CATSPER4: variants seen among roughly 807,000 people sequenced by gnomAD.
CATSPER4 encodes cation channel sperm-associated protein 4.
A neutral mutation model predicts 54.4 loss-of-function variants in CATSPER4; 46 were observed. That is an observed-to-expected ratio of 0.84 (90% CI 0.67 to 1.08). The LOEUF (loss-of-function observed/expected upper bound fraction) is 1.08, where lower values mean the gene tolerates loss of function less well. CATSPER4 is among the 50% of genes least tolerant of loss of function. The pLI is 0.00. For synonymous variants in CATSPER4, 230 were observed against 231.9 expected, an observed-to-expected ratio of 0.99 and a Z score of 0.08; for missense variants, 574 against 612.8, an observed-to-expected ratio of 0.94 and a Z score of 0.67.
intron 2 of CATSPER4, among the ~76,000 whole-genome samples, chr1:26,192,047 T>C (rs138766970): frequency 6.7e-4 from 102 of 152,048 alleles, no homozygotes; most frequent in African/African-American, 2.3e-3. Flanking sequence ...GGGAGACTTT[T>C]TGGGGAAAAG....
At chr1:26,201,624 G>A (rs1189777146) in intron 9 of CATSPER4, 105 bp downstream of exon 9, 2 of 1,087,314 alleles carry the variant, frequency 1.8e-6, no homozygotes, top group Non-Finnish European at 2.8e-6. Flanking sequence ...TCTATTCCAA[G>A]ATCTGGTCCC....
chr1:26,195,452 G>C (rs1247580348), intron 3 of CATSPER4, among the ~76,000 whole-genome samples: 6 of 152,128 alleles, frequency 3.9e-5, no homozygotes, highest in Admixed American at 3.9e-4. Context: ...GGAAGAAAGA[G>C]AGAGAGTGAG....
intron 3 of CATSPER4, among the ~76,000 whole-genome samples, chr1:26,196,644 C>G (rs1408463051): frequency 6.6e-6 from 1 of 151,958 alleles, no homozygotes; most frequent in Non-Finnish European, 1.5e-5. Flanking sequence ...CTCCTGAGCT[C>G]AAGCAATCCT....
chr1:26,199,233 C>CA (rs994760159), intron 6 of CATSPER4, among the ~76,000 whole-genome samples: 7 of 151,928 alleles, frequency 4.6e-5, no homozygotes, highest in Non-Finnish European at 1.0e-4. Flanking sequence ...GTCAGGAGTT[C>CA]AAGACCAGCC....
At chr1:26,200,686 T>G in intron 7 of CATSPER4, 144 bp from the exon 8 acceptor site, 5 of 681,368 alleles carry the variant, frequency 7.3e-6, no homozygotes, top group Non-Finnish European at 1.3e-5. Flanking sequence ...AGCAAGGCAG[T>G]GAGGCTAAGA....
chr1:26,195,567 C>G (rs921953765), intron 3 of CATSPER4, among the ~76,000 whole-genome samples: 2 of 149,340 alleles, frequency 1.3e-5, no homozygotes, highest in African/African-American at 5.0e-5. Context: ...GTGGCGCGAT[C>G]TCGGCTCACT....
At position 26,201,461 on chromosome 1, in the gene CATSPER4, A is replaced by C. The variant is rs1410126277; in HGVS notation, c.1307A>C (p.Asp436Ala). The change falls in exon 9 of 10, where the codon GAC becomes GCC. Residue 436 changes from aspartate (D) to alanine (A), a missense_variant. Coordinates refer to ENST00000456354, the MANE Select transcript of CATSPER4 (RefSeq NM_198137.2). ...SGSLETTSSK[D>A]IRQMSQQQDL... ...TCGTTGGAGACTACGTCATCCAAGG[A>C]CATCCGCCAGATGTCTCAACAGCAA... 2 of 1,613,944 alleles carry C rather than the reference A, an allele frequency of 1.2e-6. No homozygotes were observed. The highest frequency in any genetic ancestry group is 1.7e-6 in the Non-Finnish European group (2 of 1,179,986).
intron 6 of CATSPER4, among the ~76,000 whole-genome samples, chr1:26,199,305 G>A (rs759929385): frequency 2.6e-5 from 4 of 151,818 alleles, no homozygotes; most frequent in Non-Finnish European, 4.4e-5. Context: ...ACGGTGGGGC[G>A]CCTGTAATCC....
At chr1:26,199,776 C>A in intron 6 of CATSPER4, 108 bp from the exon 7 acceptor site, 2 of 1,218,976 alleles carry the variant, frequency 1.6e-6, no homozygotes, top group African/African-American at 1.5e-5. Flanking sequence ...AGCAGTGACA[C>A]AGGCAGAAGT....
At position 26,197,996 on chromosome 1, in the gene CATSPER4, C is replaced by T. The variant is rs916528124; in HGVS notation, c.597C>T (p.Pro199=). ...TGCATGTGTGCATGGCGGTGGAGCC[C>T]CTCGCCCGGATCATCCGCGTCATCC... The part of the protein sequence containing the change: ...RLVHVCMAVE[P]LARIIRVILQ... Residue 199 remains proline, a synonymous_variant, in exon 5 of 10, where the codon CCC becomes CCT. Coordinates refer to ENST00000456354, the MANE Select transcript of CATSPER4 (RefSeq NM_198137.2). 1.9e-6 allele frequency: 3 copies of T among 1,613,796 alleles called. No homozygotes were observed. The African/African-American group carries it at 4.0e-5, about 22-fold the overall frequency.
rs941565979 is a variant in CATSPER4, at chr1:26,198,002, C to A, written c.603C>A (p.Ala201=). The A allele has an allele frequency of 1.2e-6, 2 of 1,613,914 alleles. No individual in the cohort carries two copies. The highest frequency in any genetic ancestry group is 1.7e-6 in the Non-Finnish European group (2 of 1,179,986). The change falls in exon 5 of 10, where the codon GCC becomes GCA. Residue 201 remains alanine (A), a synonymous_variant. Transcript: ENST00000456354. ...TGTGCATGGCGGTGGAGCCCCTCGC[C>A]CGGATCATCCGCGTCATCCTGCAGT... is the stretch of plus-strand genomic sequence containing the variant. ...VHVCMAVEPL[A]RIIRVILQSV... is the part of the protein sequence containing the mutation.
chr1:26,191,238 G>C (rs1203014385), intron 1 of CATSPER4, 49 bp from the exon 2 acceptor site: 3 of 1,610,304 alleles, frequency 1.9e-6, no homozygotes, highest in Non-Finnish European at 2.5e-6. Flanking sequence ...CCCAGGCAGA[G>C]GCTTCCTATG....
rs1008939182 is a variant in CATSPER4, at chr1:26,194,520, A to T, written c.459+632A>T. Among the ~76,000 whole-genome samples, 71 of 151,838 alleles carry T rather than the reference A, an allele frequency of 4.7e-4. 1 individual carries two copies. Among genetic ancestry groups the T allele is most frequent in the South Asian group, 4.2e-4 (2 of 4,810 alleles). Reference sequence around the variant, plus strand: ...TGTGTCTCCATGATGCTATGCACTTATTTTTTTTGCATGGAGTTAAAATTT... The same window carrying T: ...TGTGTCTCCATGATGCTATGCACTTTTTTTTTTTGCATGGAGTTAAAATTT... On this transcript the variant is annotated intron_variant, in intron 3 of 9. Transcript: ENST00000456354.
At chr1:26,198,230 G>T in intron 5 of CATSPER4, 56 bp from the exon 6 acceptor site, 2 of 1,614,104 alleles carry the variant, frequency 1.2e-6, no homozygotes. Flanking sequence ...ACATTTGTGT[G>T]TCCTATTTCC....
At chr1:26,198,505 G>A (rs2088970748) in intron 6 of CATSPER4, 86 bp downstream of exon 6, 1 of 1,566,032 alleles carries the variant, frequency 6.4e-7, no homozygotes, top group Non-Finnish European at 8.7e-7. Context: ...GGAGCTCCAG[G>A]GATTGGGATG....
intron 3 of CATSPER4, 98 bp downstream of exon 3, chr1:26,193,986 A>ATG (rs144133210): frequency 5.6e-5 from 47 of 831,864 alleles, no homozygotes; most frequent in Admixed American, 3.3e-4. Context: ...GGGTGTGAGT[A>ATG]TGTGTGTGTG....
chr1:26,202,846 G>A lies in CATSPER4; in HGVS notation c.*304G>A. On this transcript the variant is annotated 3_prime_UTR_variant, in exon 10 of 10. Coordinates refer to ENST00000456354, the MANE Select transcript of CATSPER4 (RefSeq NM_198137.2). The stretch of plus-strand genomic sequence containing the variant: ...TTTGACCTAAGGATGGGGATCCCTG[G>A]CCCCCTGCTCTTGCCCAGAGCTGGT... The A allele has an allele frequency of 2.1e-6, 1 of 472,900 alleles. No individual in the cohort carries two copies. 29.3% of individuals were successfully genotyped at this position (472,900 alleles called of 1,614,324 possible).
At position 26,202,688 on chromosome 1, in the gene CATSPER4, G is replaced by A. The variant is rs890464839; in HGVS notation, c.*146G>A. On this transcript the variant is annotated 3_prime_UTR_variant, in exon 10 of 10. Coordinates refer to ENST00000456354, the MANE Select transcript of CATSPER4 (RefSeq NM_198137.2). ...GAGGCCAGGGGCTGTGAAGGTGGCA[G>A]CACCTGCAGGTCTGGTGCCTGTGAG... is the stretch of plus-strand genomic sequence containing the variant. 5.4e-6 allele frequency: 4 copies of A among 746,188 alleles called. No individual in the cohort carries two copies. The highest frequency in any genetic ancestry group is 7.1e-6 in the Non-Finnish European group (3 of 425,200). 46.2% of individuals were successfully genotyped at this position (746,188 alleles called of 1,614,324 possible). A position where few individuals can be genotyped will look rare whatever the true frequency, so the allele number is the denominator to read the frequency against.
At position 26,197,879 on chromosome 1, in the gene CATSPER4, C is replaced by T. The variant is rs527973439; in HGVS notation, c.558-78C>T. 1.3e-4 allele frequency: 210 copies of T among 1,605,308 alleles called. 1 individual carries two copies. The highest frequency in any genetic ancestry group is 1.2e-3 in the Middle Eastern group (6 of 5,194). On this transcript the variant is annotated intron_variant, in intron 4 of 9. Transcript: ENST00000456354. Reference sequence around the variant, plus strand: ...CCAGCTGGAGATCAGCTTTGCCTCTCTGGGCAGCTGGTGGGGGTAATGAGG... The same window carrying T: ...CCAGCTGGAGATCAGCTTTGCCTCTTTGGGCAGCTGGTGGGGGTAATGAGG...
Sources: allele counts gnomAD v4.1 joint callset (sites outside exome capture counted in the v4.1 genomes callset), GRCh38; gene constraint gnomAD v4.1.1; transcripts MANE v1.5; gene names NCBI Gene and HGNC (gene_info 2026-07-23, HGNC 2026-07-21).